IPPK: variants seen among roughly 807,000 people sequenced by gnomAD.
IPPK encodes the protein IPK1 homolog.
Under a neutral mutation model 64.6 loss-of-function variants are expected in IPPK, and 22 were observed. The ratio of observed to expected loss-of-function variants is 0.34; its 90% CI spans 0.24 to 0.49. IPPK has a LOEUF of 0.49. Ranked by LOEUF, IPPK falls within the 20% of genes least tolerant of loss-of-function variation. The pLI is 0.99. For synonymous variants in IPPK, 262 were observed against 247.2 expected, an observed-to-expected ratio of 1.06 and a Z score of -0.56; for missense variants, 532 against 630.7, an observed-to-expected ratio of 0.84 and a Z score of 1.68.
intron 3 of IPPK, among the ~76,000 whole-genome samples, chr9:92,653,117 G>A (rs1455929476): frequency 6.6e-6 from 1 of 152,222 alleles, no homozygotes; most frequent in African/African-American, 2.4e-5. Flanking sequence ...TCAGGAAGAT[G>A]GCCTGTGCCT....
At chr9:92,668,559 G>A (rs1172233696) in intron 1 of IPPK, among the ~76,000 whole-genome samples, 1 of 152,200 alleles carries the variant, frequency 6.6e-6, no homozygotes, top group Admixed American at 6.5e-5. Flanking sequence ...AAAATGCAGA[G>A]ATACATCTAA....
chr9:92,623,302 C>T (rs551147566), intron 11 of IPPK, among the ~76,000 whole-genome samples: 36 of 151,984 alleles, frequency 2.4e-4, no homozygotes, highest in Admixed American at 1.1e-3. Context: ...GGCATGGTGG[C>T]GGGTGCCTGT....
chr9:92,632,335 C>T (rs1397485353), intron 11 of IPPK, among the ~76,000 whole-genome samples: 4 of 152,180 alleles, frequency 2.6e-5, no homozygotes, highest in African/African-American at 9.7e-5. Flanking sequence ...CCATCAGCAA[C>T]AGATGAGAGA....
chr9:92,626,970 T>A (rs1446176865), intron 11 of IPPK, among the ~76,000 whole-genome samples: 1 of 150,636 alleles, frequency 6.6e-6, no homozygotes, highest in Non-Finnish European at 1.5e-5. Flanking sequence ...TAAAAAATTA[T>A]TTTCAAAACT....
Position 92,640,737 on chromosome 9 carries a change from C to T in IPPK, c.609G>A (p.Glu203=), listed in dbSNP as rs1852030611. The part of the protein sequence containing the change: ...MHFALKSLLQ[E]AQNNLKIFKN... ...TAAATATCTTCAAGTTGTTCTGTGC[C>T]TCCTGCAGCAAACTCTTCAAGGCAA... The change falls in exon 8 of 13, where the codon GAG becomes GAA. Residue 203 remains glutamate (E), a synonymous_variant. Transcript: ENST00000287996. 6.2e-7 allele frequency: 1 copy of T among 1,612,846 alleles called. No homozygotes were observed. Among genetic ancestry groups the T allele is most frequent in the Non-Finnish European group, 8.5e-7 (1 of 1,178,918 alleles).
intron 2 of IPPK, 142 bp from the exon 3 acceptor site, chr9:92,656,693 C>G (rs1259518899): frequency 3.2e-6 from 2 of 618,920 alleles, no homozygotes; most frequent in Non-Finnish European, 5.8e-6. Flanking sequence ...GGTGACAGCC[C>G]TCAGACCCAG....
intron 3 of IPPK, among the ~76,000 whole-genome samples, chr9:92,655,173 C>T (rs975818074): frequency 2.0e-4 from 31 of 152,174 alleles, no homozygotes; most frequent in African/African-American, 7.2e-4. Flanking sequence ...TTGTATCTTG[C>T]CCCACAACAA....
intron 11 of IPPK, 175 bp from the exon 12 acceptor site, chr9:92,619,740 AC>A: frequency 1.6e-6 from 1 of 630,104 alleles, no homozygotes; most frequent in South Asian, 1.8e-5. Flanking sequence ...CTGTGAGAGC[AC>A]CTGGGCCAGC....
Position 92,670,109 on chromosome 9 carries a change from C to A in IPPK, c.-121G>T. The A allele has an allele frequency of 1.7e-6, 1 of 599,782 alleles. No individual in the cohort carries two copies. The highest frequency in any genetic ancestry group is 2.3e-5 in the South Asian group (1 of 42,882). The allele number at this position is 599,782 out of a possible 1,614,324, so 37.2% of individuals were successfully genotyped here. ...AGGAGCGCCTGTCAGCTGCCGCCCC[C>A]GCTCGACCCCGCCGCGGCGACTAGC... On this transcript the variant is annotated 5_prime_UTR_variant, in exon 1 of 13. Coordinates refer to ENST00000287996, the MANE Select transcript of IPPK (RefSeq NM_022755.6).
intron 11 of IPPK, among the ~76,000 whole-genome samples, chr9:92,633,042 G>A (rs1432757005): frequency 1.3e-5 from 2 of 150,168 alleles, no homozygotes; most frequent in East Asian, 2.0e-4. Flanking sequence ...ATGGAGTCTC[G>A]CTCTGTCGCC....
chr9:92,648,159 A>T lies in IPPK; in HGVS notation c.415-11T>A, dbSNP rs772440539. The T allele has an allele frequency of 2.5e-6, 4 of 1,600,418 alleles. No homozygotes were observed. Among genetic ancestry groups the T allele is most frequent in the East Asian group, 4.5e-5 (2 of 44,804 alleles). On this transcript the variant is annotated splice_polypyrimidine_tract_variant and intron_variant, in intron 5 of 12. Transcript: ENST00000287996. The stretch of plus-strand genomic sequence containing the variant: ...AAACCCACATTTTGGCTGTAAAATA[A>T]ACAAATAAGGAGGAAAAATATTTAG...
intron 11 of IPPK, among the ~76,000 whole-genome samples, chr9:92,621,449 GC>G (rs1380202429): frequency 6.6e-6 from 1 of 150,746 alleles, no homozygotes; most frequent in Non-Finnish European, 1.5e-5. Flanking sequence ...CAACTATGGG[GC>G]CTAGCTGATT....
chr9:92,618,095 G>C (rs1851499013), intron 12 of IPPK: 1 of 374,876 alleles, frequency 2.7e-6, no homozygotes, highest in Non-Finnish European at 5.3e-6. Flanking sequence ...CACAGTTACT[G>C]GAACTTCACA....
At chr9:92,665,550 T>C (rs1052809855) in intron 1 of IPPK, among the ~76,000 whole-genome samples, 2 of 152,212 alleles carry the variant, frequency 1.3e-5, no homozygotes, top group African/African-American at 2.4e-5. Context: ...CTGAGTATCA[T>C]ACATATCCAT....
At chr9:92,633,119 T>TC in intron 11 of IPPK, among the ~76,000 whole-genome samples, 1 of 152,090 alleles carries the variant, frequency 6.6e-6, no homozygotes, top group Admixed American at 6.6e-5. Context: ...CAAGTGATTC[T>TC]CCTACCTCAG....
chr9:92,655,982 C>A (rs1300192936), intron 3 of IPPK, among the ~76,000 whole-genome samples: 1 of 152,180 alleles, frequency 6.6e-6, no homozygotes, highest in Non-Finnish European at 1.5e-5. Flanking sequence ...GCACAGGCGG[C>A]AACACCCAGG....
chr9:92,653,707 G>C (rs1259325899), intron 3 of IPPK, among the ~76,000 whole-genome samples: 1 of 152,096 alleles, frequency 6.6e-6, no homozygotes, highest in Non-Finnish European at 1.5e-5. Context: ...AAATTAGCCG[G>C]GTGTGGTGGC....
At chr9:92,628,890 C>A (rs917737327) in intron 11 of IPPK, among the ~76,000 whole-genome samples, 3 of 150,586 alleles carry the variant, frequency 2.0e-5, no homozygotes, top group South Asian at 4.3e-4. Context: ...AAAAAAAAAA[C>A]AAAAAAATGG....
At chr9:92,622,607 A>AATATAT in intron 11 of IPPK, among the ~76,000 whole-genome samples, 1 of 150,906 alleles carries the variant, frequency 6.6e-6, no homozygotes, top group East Asian at 1.9e-4. Context: ...TTATCAGAAT[A>AATATAT]ATATATATAT....
Sources: gnomAD v4.1 joint callset for allele counts (sites outside exome capture counted in the v4.1 genomes callset) on GRCh38, gnomAD v4.1.1 for gene constraint, MANE v1.5 for transcripts, NCBI Gene and HGNC (gene_info 2026-07-23, HGNC 2026-07-21) for gene names.